Variants in PLCB4 observed in about 807,000 individuals in gnomAD.
The protein encoded by PLCB4 is phospholipase C beta 4.
A neutral mutation model predicts 178.8 loss-of-function variants in PLCB4; 77 were observed. The ratio of observed to expected loss-of-function variants is 0.43; its 90% CI spans 0.36 to 0.52. The LOEUF is 0.52. Ranked by LOEUF, PLCB4 falls within the 20% of genes least tolerant of loss-of-function variation. The probability of loss-of-function intolerance (pLI) is 0.00; values close to 1 mark genes in which losing one functional copy is unlikely to be tolerated. For synonymous variants in PLCB4, 496 were observed against 490.8 expected (o/e 1.01, Z -0.14); for missense variants, 1,024 against 1,453.4 (o/e 0.70, Z 4.80).
In PLCB4 at chr20:9,473,254, A is replaced by ATTTTTTTTTTTT; in HGVS notation, c.3409-16_3409-5dup. 2 of 1,196,198 alleles carry ATTTTTTTTTTTT rather than the reference A, an allele frequency of 1.7e-6. 1 individual carries two copies. The highest frequency in any genetic ancestry group is 3.4e-5 in the African/African-American group (2 of 58,264). The allele number at this position is 1,196,198 out of a possible 1,614,324, so 74.1% of individuals were successfully genotyped here. On this transcript the variant is annotated intron_variant, in intron 37 of 39. Transcript: ENST00000378473. ...GATTGTAACCCAAAGTTCAATCAGAATTTTTTTTTTTTTTTTTTTTGCAGC... is the reference window on the plus strand; with the variant it reads ...GATTGTAACCCAAAGTTCAATCAGAATTTTTTTTTTTTTTTTTTTTTTTTTTTTTTTTGCAGC...
chr20:9,456,387 A>T (rs1393624558), intron 33 of PLCB4, among the ~76,000 whole-genome samples: 2 of 152,202 alleles, frequency 1.3e-5, no homozygotes, highest in African/African-American at 4.8e-5. Context: ...TGGTAAAAAG[A>T]TGAATGGGGG....
At chr20:9,265,195 G>T (rs963922358) in intron 3 of PLCB4, among the ~76,000 whole-genome samples, 2 of 152,066 alleles carry the variant, frequency 1.3e-5, no homozygotes, top group African/African-American at 4.8e-5. Context: ...AGATGACGAG[G>T]CTGGGGACTG....
intron 7 of PLCB4, among the ~76,000 whole-genome samples, chr20:9,356,881 C>T (rs1490035542): frequency 1.3e-5 from 2 of 152,064 alleles, no homozygotes; most frequent in African/African-American, 2.4e-5. Flanking sequence ...TTTAGGAGGC[C>T]GAAGCAGATA....
intron 2 of PLCB4, among the ~76,000 whole-genome samples, chr20:9,133,392 C>T (rs573557733): frequency 4.3e-4 from 66 of 152,160 alleles, no homozygotes; most frequent in Non-Finnish European, 5.9e-4. Context: ...CTCAGCCTCC[C>T]GAGTAGTTGG....
chr20:9,078,106 G>A (rs889711643), intron 1 of PLCB4, among the ~76,000 whole-genome samples: 4 of 151,756 alleles, frequency 2.6e-5, no homozygotes, highest in East Asian at 1.9e-4. Flanking sequence ...TCAGACTCTC[G>A]AGTAGTTGGG....
chr20:9,454,939 G>A (rs1048813604), intron 33 of PLCB4, among the ~76,000 whole-genome samples: 2 of 152,158 alleles, frequency 1.3e-5, no homozygotes, highest in Admixed American at 6.5e-5. Context: ...AGGCAGAAAT[G>A]TGCCTGTTGC....
intron 30 of PLCB4, among the ~76,000 whole-genome samples, chr20:9,438,381 A>G (rs910858261): frequency 2.0e-5 from 3 of 151,676 alleles, no homozygotes; most frequent in Non-Finnish European, 4.4e-5. Context: ...AAAAAAAAAA[A>G]AAGAAAGAAA....
At position 9,135,261 on chromosome 20, in the gene PLCB4, T is replaced by C. The variant is rs532817356; in HGVS notation, c.-79+38919T>C. Among the ~76,000 whole-genome samples, 38 of 152,242 alleles carry C rather than the reference T, an allele frequency of 2.5e-4. No individual in the cohort carries two copies. The South Asian group carries it at 5.6e-3, about 22-fold the overall frequency. ...GATTATATAATTTTTATTTGTCAAG[T>C]ATACCTTATTAACACTGAAAAAACA... On this transcript the variant is annotated intron_variant, in intron 2 of 39. Transcript: ENST00000378473.
chr20:9,468,590 G>A lies in PLCB4; in HGVS notation c.3268G>A (p.Ala1090Thr). Residue 1090 changes from alanine (A) to threonine (T), a missense_variant, in exon 36 of 40, where the codon GCA becomes ACA. By Grantham distance (58) the Ala-to-Thr change is moderately conservative. Transcript: ENST00000378473. Reference sequence around the variant, plus strand: ...ACATAGGGAAAGCAAGGAAATGCGAGCACACCAGGCTAAGATTTCTATGGA... The same window carrying A: ...ACATAGGGAAAGCAAGGAAATGCGAACACACCAGGCTAAGATTTCTATGGA... ...SHDRESKEMR[A>T]HQAKISMENS... 1 of 1,608,100 alleles carries A rather than the reference G, an allele frequency of 6.2e-7. No individual in the cohort carries two copies. Among genetic ancestry groups the A allele is most frequent in the Non-Finnish European group, 8.5e-7 (1 of 1,174,864 alleles).
At position 9,091,884 on chromosome 20, in the gene PLCB4, T is replaced by C. The variant is rs57005272; in HGVS notation, c.-134-4403T>C. Among the ~76,000 whole-genome samples the C allele has an allele frequency of 8.7e-3, 1,319 of 152,226 alleles. 19 individuals carry two copies. Among genetic ancestry groups the C allele is most frequent in the African/African-American group, 0.029 (1,195 of 41,536 alleles). Reference sequence around the variant, plus strand: ...AAGTCTCTTGGAAAAGTAATCTCTATGTAGTTTTGCTTCTTCATTCATTCA... The same window carrying C: ...AAGTCTCTTGGAAAAGTAATCTCTACGTAGTTTTGCTTCTTCATTCATTCA... On this transcript the variant is annotated intron_variant, in intron 1 of 39. Coordinates refer to ENST00000378473, the MANE Select transcript of PLCB4 (RefSeq NM_001377142.1).
intron 3 of PLCB4, among the ~76,000 whole-genome samples, chr20:9,257,415 T>C (rs2094247702): frequency 1.3e-5 from 2 of 152,228 alleles, no homozygotes; most frequent in South Asian, 4.1e-4. Flanking sequence ...CTAGAATCTG[T>C]TTCAATGTAG....
At chr20:9,197,166 C>T (rs1601075137) in intron 2 of PLCB4, among the ~76,000 whole-genome samples, 1 of 152,172 alleles carries the variant, frequency 6.6e-6, no homozygotes, top group South Asian at 2.1e-4. Flanking sequence ...TCCAGGTAAA[C>T]GACCATGTGG....
intron 2 of PLCB4, among the ~76,000 whole-genome samples, chr20:9,118,458 A>T (rs1283601653): frequency 1.3e-5 from 2 of 151,528 alleles, no homozygotes; most frequent in Non-Finnish European, 1.5e-5. Flanking sequence ...ATTAACTTTT[A>T]AAGCATGACA....
intron 2 of PLCB4, among the ~76,000 whole-genome samples, chr20:9,096,650 T>C (rs2090921472): frequency 6.6e-6 from 1 of 152,222 alleles, no homozygotes. Context: ...CTTGATGAAA[T>C]GTGTTCCTGT....
Position 9,132,747 on chromosome 20 carries a change from C to T in PLCB4, c.-79+36405C>T, listed in dbSNP as rs921828031. On this transcript the variant is annotated intron_variant, in intron 2 of 39. Coordinates refer to ENST00000378473, the MANE Select transcript of PLCB4 (RefSeq NM_001377142.1). ...TTGCAATCAGATTGCTTTTTCTAAA[C>T]GGCAAATTTCTGACTTATTTCTGCC... 5.3e-5 allele frequency among the ~76,000 whole-genome samples: 8 copies of T among 152,136 alleles called. No homozygotes were observed. In the South Asian group the frequency reaches 8.3e-4, roughly 16 times the overall value.
intron 4 of PLCB4, among the ~76,000 whole-genome samples, chr20:9,318,883 T>C (rs1250517439): frequency 6.6e-6 from 1 of 152,204 alleles, no homozygotes; most frequent in Non-Finnish European, 1.5e-5. Flanking sequence ...TTGCTTCTTC[T>C]CAACCTGCAG....
At chr20:9,140,291 C>G (rs2092462194) in intron 2 of PLCB4, among the ~76,000 whole-genome samples, 1 of 151,984 alleles carries the variant, frequency 6.6e-6, no homozygotes, top group African/African-American at 2.4e-5. Flanking sequence ...GTCTCCTTTT[C>G]CCTCATCTTG....
intron 7 of PLCB4, among the ~76,000 whole-genome samples, chr20:9,357,650 T>A (rs1299382030): frequency 2.0e-5 from 3 of 152,112 alleles, no homozygotes; most frequent in Non-Finnish European, 2.9e-5. Context: ...TGTCCTTATT[T>A]TAAAAAGGTA....
intron 3 of PLCB4, among the ~76,000 whole-genome samples, chr20:9,262,459 T>C (rs2094307961): frequency 6.6e-6 from 1 of 152,024 alleles, no homozygotes; most frequent in South Asian, 2.1e-4. Context: ...AGGAAGAGCA[T>C]GGAGGATGAG....
Sources: gnomAD v4.1 joint callset for allele counts (sites outside exome capture counted in the v4.1 genomes callset) on GRCh38, gnomAD v4.1.1 for gene constraint, MANE v1.5 for transcripts, NCBI Gene and HGNC (gene_info 2026-07-23, HGNC 2026-07-21) for gene names.